The following GRK5 variants were observed in gnomAD, a reference collection of about 807,000 sequenced individuals.
The protein encoded by GRK5 is G protein-coupled receptor kinase 5, also known as g protein-coupled receptor kinase GRK5.
In GRK5, 40 loss-of-function variants were observed where a neutral mutation model predicts 78.4. The ratio of observed to expected loss-of-function variants is 0.51; its 90% CI spans 0.40 to 0.66. GRK5 has a LOEUF of 0.66. Among genes scored for constraint, GRK5 ranks in the 30% least tolerant of loss-of-function variants. GRK5 has a pLI of 0.00. For synonymous variants in GRK5, 289 were observed against 296.8 expected, an observed-to-expected ratio of 0.97 and a Z score of 0.27; for missense variants, 598 against 759.9, an observed-to-expected ratio of 0.79 and a Z score of 2.50.
chr10:119,296,576 A>G (rs1850085901), intron 1 of GRK5, among the ~76,000 whole-genome samples: 1 of 152,212 alleles, frequency 6.6e-6, no homozygotes, highest in African/African-American at 2.4e-5. Flanking sequence ...TCCTGGAACA[A>G]CTGGTCAAAG....
intron 3 of GRK5, among the ~76,000 whole-genome samples, chr10:119,391,268 C>G (rs889297294): frequency 1.3e-5 from 2 of 151,534 alleles, no homozygotes; most frequent in Non-Finnish European, 2.9e-5. Context: ...CGGGCACAAG[C>G]TCTGGGGTTG....
At chr10:119,352,652 A>T (rs1310017782) in intron 2 of GRK5, among the ~76,000 whole-genome samples, 3 of 152,174 alleles carry the variant, frequency 2.0e-5, no homozygotes, top group African/African-American at 7.2e-5. Context: ...TTGGTGTTTA[A>T]TTGGAGGGGA....
intron 3 of GRK5, among the ~76,000 whole-genome samples, chr10:119,390,746 T>C (rs1334582035): frequency 6.6e-6 from 1 of 152,130 alleles, no homozygotes; most frequent in East Asian, 1.9e-4. Context: ...TTATTCACTA[T>C]CCCGAGAACA....
At chr10:119,246,090 T>C (rs1849107295) in intron 1 of GRK5, among the ~76,000 whole-genome samples, 3 of 151,638 alleles carry the variant, frequency 2.0e-5, no homozygotes, top group African/African-American at 7.3e-5. Flanking sequence ...CATGTTGTGT[T>C]TTTTAAAATC....
rs576016428 is a variant in GRK5 at position 119,459,408 on chromosome 10, C to CA, written c.*4344dup. The CA allele has an allele frequency of 1.1e-4, 13 of 123,026 alleles. No individual in the cohort carries two copies. The highest frequency in any genetic ancestry group is 3.3e-4 in the African/African-American group (13 of 39,454). The allele number at this position is 123,026 out of a possible 1,614,324, so 7.6% of individuals were successfully genotyped here. The stretch of plus-strand genomic sequence containing the variant: ...CTGGCAGAGAAAGACACTTCCCCCC[C>CA]AAAGTGGAATTTAGATGTCTTTCCC... On this transcript the variant is annotated 3_prime_UTR_variant, in exon 16 of 16. Coordinates refer to ENST00000392870, the MANE Select transcript of GRK5 (RefSeq NM_005308.3).
At chr10:119,389,362 C>T (rs1851849216) in intron 3 of GRK5, among the ~76,000 whole-genome samples, 1 of 152,214 alleles carries the variant, frequency 6.6e-6, no homozygotes, top group Non-Finnish European at 1.5e-5. Context: ...GTCTTTCTCT[C>T]ACTGGTGTGA....
At chr10:119,251,940 C>T (rs964470726) in intron 1 of GRK5, among the ~76,000 whole-genome samples, 1 of 152,214 alleles carries the variant, frequency 6.6e-6, no homozygotes, top group African/African-American at 2.4e-5. Flanking sequence ...ATCCAATCCT[C>T]AGCCCTTCCA....
chr10:119,282,443 G>T (rs894683757), intron 1 of GRK5, among the ~76,000 whole-genome samples: 1 of 152,198 alleles, frequency 6.6e-6, no homozygotes, highest in Non-Finnish European at 1.5e-5. Context: ...TCACCAGGCT[G>T]TCTTGTAACA....
intron 15 of GRK5, 23 bp downstream of exon 15, chr10:119,453,299 G>A (rs1400646408): frequency 6.2e-7 from 1 of 1,613,278 alleles, no homozygotes; most frequent in African/African-American, 1.3e-5. Flanking sequence ...TGCCTGGCCA[G>A]TCCTGGCATC....
intron 2 of GRK5, among the ~76,000 whole-genome samples, chr10:119,359,374 T>C (rs1040238426): frequency 1.2e-4 from 19 of 152,200 alleles, no homozygotes; most frequent in African/African-American, 4.6e-4. Flanking sequence ...TCCATGGTTA[T>C]GGCAAGAGGG....
At chr10:119,348,585 G>A (rs1851140266) in intron 2 of GRK5, among the ~76,000 whole-genome samples, 1 of 152,214 alleles carries the variant, frequency 6.6e-6, no homozygotes, top group South Asian at 2.1e-4. Flanking sequence ...CAATGGGCAT[G>A]TCCTTCTTCC....
At chr10:119,299,947 T>G (rs532998442) in intron 1 of GRK5, among the ~76,000 whole-genome samples, 113 of 152,296 alleles carry the variant, frequency 7.4e-4, no homozygotes, top group Admixed American at 2.5e-3. Context: ...TATCTCCTAA[T>G]GCTAGCCCTC....
intron 2 of GRK5, among the ~76,000 whole-genome samples, chr10:119,351,536 T>G (rs905047379): frequency 5.3e-5 from 8 of 152,170 alleles, no homozygotes; most frequent in Non-Finnish European, 2.9e-5. Flanking sequence ...CTGCCATGAT[T>G]GTGAGGCTTC....
At chr10:119,396,647 A>C (rs1188129848) in intron 3 of GRK5, 48 bp from the exon 4 acceptor site, 13 of 1,463,190 alleles carry the variant, frequency 8.9e-6, no homozygotes, top group Admixed American at 1.7e-5. Context: ...AACTATAAGA[A>C]GCTCATGAGC....
intron 1 of GRK5, among the ~76,000 whole-genome samples, chr10:119,230,513 T>A (rs923593453): frequency 6.6e-6 from 1 of 151,962 alleles, no homozygotes; most frequent in Non-Finnish European, 1.5e-5. Flanking sequence ...CTCCCCCTTA[T>A]AATAACTGTC....
intron 1 of GRK5, among the ~76,000 whole-genome samples, chr10:119,233,952 T>C (rs1468289127): frequency 6.6e-6 from 1 of 152,214 alleles, no homozygotes; most frequent in Non-Finnish European, 1.5e-5. Context: ...GAACAATAGC[T>C]GTGTGAGTCC....
At chr10:119,211,615 T>C (rs1848487242) in intron 1 of GRK5, 1 of 152,236 alleles carries the variant, frequency 6.6e-6, no homozygotes, top group Admixed American at 6.5e-5. Flanking sequence ...CACATTTTCC[T>C]GAGGCCCTAG....
chr10:119,311,979 G>A (rs1223304189), intron 1 of GRK5, among the ~76,000 whole-genome samples: 2 of 146,906 alleles, frequency 1.4e-5, no homozygotes, highest in African/African-American at 2.5e-5. Context: ...AGAGTGGCGC[G>A]ATCTCAGCTC....
chr10:119,310,166 A>G (rs76984516), intron 1 of GRK5, among the ~76,000 whole-genome samples: 4,295 of 152,330 alleles, frequency 0.028, 67 homozygotes, highest in Non-Finnish European at 0.043. Context: ...GGATGCAAAA[A>G]TTCTGGGGAG....
Sources: gnomAD v4.1 joint callset for allele counts (sites outside exome capture counted in the v4.1 genomes callset) on GRCh38, gnomAD v4.1.1 for gene constraint, MANE v1.5 for transcripts, NCBI Gene and HGNC (gene_info 2026-07-23, HGNC 2026-07-21) for gene names.